Variants in PGS1 observed in about 807,000 individuals in gnomAD.
The protein encoded by PGS1 is CDP-diacylglycerol--glycerol-3-phosphate 3-phosphatidyltransferase, mitochondrial.
PGS1 carries 44 observed loss-of-function variants against 58.3 expected under a neutral mutation model. The ratio of observed to expected loss-of-function variants is 0.75; its 90% CI spans 0.59 to 0.97. The LOEUF (loss-of-function observed/expected upper bound fraction) is 0.97, where lower values mean the gene tolerates loss of function less well. Among genes scored for constraint, PGS1 ranks in the 50% least tolerant of loss-of-function variants. The pLI is 0.00. For missense variants in PGS1, 684 were observed against 731.1 expected (o/e 0.94, Z 0.74); for synonymous variants, 330 against 311.0 (o/e 1.06, Z -0.64).
intron 8 of PGS1, among the ~76,000 whole-genome samples, chr17:78,415,770 A>G (rs904911271): frequency 6.6e-6 from 1 of 152,210 alleles, no homozygotes; most frequent in African/African-American, 2.4e-5. Context: ...GACCTGTGAC[A>G]GTGTGGTTAG....
At chr17:78,413,674 C>T (rs1051528339) in intron 7 of PGS1, among the ~76,000 whole-genome samples, 17 of 152,320 alleles carry the variant, frequency 1.1e-4, no homozygotes, top group African/African-American at 3.4e-4. Context: ...GAGCTCAGGC[C>T]GAGCCTGGGT....
Position 78,404,094 on chromosome 17 carries a change from G to T in PGS1, c.1402+5G>T, listed in dbSNP as rs773077970. On this transcript the variant is annotated splice_donor_5th_base_variant and intron_variant, in intron 7 of 9. Transcript: ENST00000262764. ...GCTGGACGTTCCACGCCAAAGGTGC[G>T]CAGCGGCTGGCTGGAGGACGTTCCA... is the stretch of plus-strand genomic sequence containing the variant. 7.2e-6 allele frequency: 11 copies of T among 1,526,054 alleles called. No individual in the cohort carries two copies. The East Asian group carries it at 2.4e-4, about 33-fold the overall frequency. The allele number at this position is 1,526,054 out of a possible 1,614,324, so 94.5% of individuals were successfully genotyped here. A position where few individuals can be genotyped will look rare whatever the true frequency, so the allele number is the denominator to read the frequency against.
intron 7 of PGS1, among the ~76,000 whole-genome samples, chr17:78,407,504 A>G (rs2084258391): frequency 6.6e-6 from 1 of 152,190 alleles, no homozygotes; most frequent in Admixed American, 6.5e-5. Flanking sequence ...GCCCTTTGCA[A>G]GGCACTTGCT....
intron 7 of PGS1, among the ~76,000 whole-genome samples, chr17:78,404,779 G>C (rs943214024): frequency 6.6e-6 from 1 of 152,084 alleles, no homozygotes; most frequent in Non-Finnish European, 1.5e-5. Flanking sequence ...TCCTGCCTCA[G>C]CCTTCCGAGT....
Position 78,420,353 on chromosome 17 carries a change from G to A in PGS1, c.*10+678G>A, listed in dbSNP as rs2085604491. 4 of 429,740 alleles carry A rather than the reference G, an allele frequency of 9.3e-6. No individual in the cohort carries two copies. The Admixed American group carries it at 1.9e-4, about 21-fold the overall frequency. The allele number at this position is 429,740 out of a possible 1,614,324, so 26.6% of individuals were successfully genotyped here. A position where few individuals can be genotyped will look rare whatever the true frequency, so the allele number is the denominator to read the frequency against. ...CCCTGGACTGTCTTGACGCCTAGAG[G>A]TCCGGGCAGGGGGTGGCTGCCATTA... On this transcript the variant is annotated intron_variant, in intron 9 of 9. Coordinates refer to ENST00000262764, the MANE Select transcript of PGS1 (RefSeq NM_024419.5).
chr17:78,421,044 C>T lies in PGS1; in HGVS notation c.*10+1369C>T, dbSNP rs1316725670. The stretch of plus-strand genomic sequence containing the variant: ...TGACTTGAAGTCCAATTAAGGACTA[C>T]ACCTTGTGATTGTTTTTTCCCTAGC... On this transcript the variant is annotated intron_variant, in intron 9 of 9. Coordinates refer to ENST00000262764, the MANE Select transcript of PGS1 (RefSeq NM_024419.5). The T allele has an allele frequency of 2.0e-5, 3 of 152,222 alleles. No homozygotes were observed. In the East Asian group the frequency reaches 5.8e-4, roughly 29 times the overall value. The allele number at this position is 152,222 out of a possible 1,614,324, so 9.4% of individuals were successfully genotyped here. A position where few individuals can be genotyped will look rare whatever the true frequency, so the allele number is the denominator to read the frequency against.
At chr17:78,414,289 C>T (rs371781454) in intron 7 of PGS1, among the ~76,000 whole-genome samples, 3 of 152,338 alleles carry the variant, frequency 2.0e-5, no homozygotes, top group Non-Finnish European at 4.4e-5. Flanking sequence ...TTTGCCACCC[C>T]GCGTGACAAC....
At chr17:78,401,002 A>G in intron 6 of PGS1, 147 bp downstream of exon 6, 1 of 697,328 alleles carries the variant, frequency 1.4e-6, no homozygotes, top group South Asian at 1.9e-5. Context: ...AGCCAGACAG[A>G]TGTGACTCAC....
At chr17:78,423,310 T>C (rs2086105657) in intron 9 of PGS1, among the ~76,000 whole-genome samples, 1 of 152,078 alleles carries the variant, frequency 6.6e-6, no homozygotes, top group Non-Finnish European at 1.5e-5. Context: ...GGGGCTTGCT[T>C]GTGGGAACGG....
chr17:78,404,164 C>T (rs539661368), intron 7 of PGS1, 75 bp downstream of exon 7: 736 of 1,427,610 alleles, frequency 5.2e-4, no homozygotes, highest in Non-Finnish European at 5.8e-4. Context: ...GGAGCCCTGG[C>T]GCCTACCTGT....
intron 9 of PGS1, chr17:78,423,674 G>C: frequency 3.8e-6 from 2 of 526,154 alleles, no homozygotes; most frequent in Non-Finnish European, 6.7e-6. Context: ...GTGGCCATCA[G>C]GCACAGAATG....
chr17:78,413,310 C>G (rs1395057797), intron 7 of PGS1, among the ~76,000 whole-genome samples: 1 of 152,208 alleles, frequency 6.6e-6, no homozygotes, highest in East Asian at 1.9e-4. Flanking sequence ...ATGTTACATA[C>G]TGTGTTGACT....
In PGS1 at chr17:78,424,019, C is replaced by T. The variant is rs375297222; in HGVS notation, c.*11-42C>T. ...GGGCCGCGGATGCGTGTTTTGTACACGGGACACTCATAGATGTTCTTGGTC... is the reference window on the plus strand; with the variant it reads ...GGGCCGCGGATGCGTGTTTTGTACATGGGACACTCATAGATGTTCTTGGTC... On this transcript the variant is annotated intron_variant, in intron 9 of 9. Transcript: ENST00000262764. 9.9e-5 allele frequency: 160 copies of T among 1,614,048 alleles called. No individual in the cohort carries two copies. The South Asian group carries it at 1.4e-3, about 15-fold the overall frequency.
At chr17:78,394,903 T>G (rs2083113354) in intron 2 of PGS1, among the ~76,000 whole-genome samples, 1 of 152,206 alleles carries the variant, frequency 6.6e-6, no homozygotes, top group Non-Finnish European at 1.5e-5. Context: ...TAATTGACTC[T>G]GGGAGGATGA....
intron 1 of PGS1, among the ~76,000 whole-genome samples, chr17:78,381,401 T>G (rs4082919): frequency 0.55 from 83,740 of 152,016 alleles, 23,966 homozygotes; most frequent in African/African-American, 0.71. Flanking sequence ...GATAAATGCT[T>G]TGACCGGTAT....
chr17:78,418,029 A>C (rs1054339990), intron 8 of PGS1, among the ~76,000 whole-genome samples: 7 of 150,610 alleles, frequency 4.6e-5, no homozygotes, highest in Non-Finnish European at 1.0e-4. Context: ...TCCCGGGTTC[A>C]AGCGATTCTC....
Position 78,400,055 on chromosome 17 carries a change from G to A in PGS1, c.701+518G>A. 1 of 207,074 alleles carries A rather than the reference G, an allele frequency of 4.8e-6. No homozygotes were observed. The allele number at this position is 207,074 out of a possible 1,614,324, so 12.8% of individuals were successfully genotyped here. A position where few individuals can be genotyped will look rare whatever the true frequency, so the allele number is the denominator to read the frequency against. On this transcript the variant is annotated intron_variant, in intron 5 of 9. Transcript: ENST00000262764. This position sits in a 1 kb window ranked among gnomAD's most constrained non-coding sequence, Gnocchi z 4.4. The stretch of plus-strand genomic sequence containing the variant: ...GTACCAGTGGCAGCTGTCACTTAGT[G>A]GGACAGAGAGAACAAACAAACATGG...
chr17:78,409,010 T>A (rs2084398503), intron 7 of PGS1, among the ~76,000 whole-genome samples: 1 of 152,246 alleles, frequency 6.6e-6, no homozygotes, highest in Admixed American at 6.5e-5. Flanking sequence ...GTGTGGTATC[T>A]GCTGGGTTGC....
rs535523184 is a variant in PGS1 at position 78,378,698 on chromosome 17, C to G, written c.33C>G (p.Pro11=). The G allele has an allele frequency of 2.0e-6, 3 of 1,524,878 alleles. No homozygotes were observed. Among genetic ancestry groups the G allele is most frequent in the Admixed American group, 2.0e-5 (1 of 49,674 alleles). 94.5% of individuals were successfully genotyped at this position (1,524,878 alleles called of 1,614,324 possible). Residue 11 remains proline, a synonymous_variant, in exon 1 of 10, where the codon CCC becomes CCG. Transcript: ENST00000262764. MAVAAAAAAG[P]VFWRRLLGLL... ...TGGCGGCGGCAGCTGCGGCGGGACC[C>G]GTGTTCTGGAGGCGACTGCTGGGCC...
Sources: allele counts gnomAD v4.1 joint callset (sites outside exome capture counted in the v4.1 genomes callset), GRCh38; gene constraint gnomAD v4.1.1; non-coding constraint Gnocchi (gnomAD v3.1); transcripts MANE v1.5; gene names NCBI Gene and HGNC (gene_info 2026-07-23, HGNC 2026-07-21).